The following DDHD1 variants were observed in gnomAD, a reference collection of about 807,000 sequenced individuals.
DDHD1 encodes the protein DDHD domain containing 1.
DDHD1 carries 49 observed loss-of-function variants against 96.4 expected under a neutral mutation model. The observed-to-expected ratio is 0.51, with a 90% confidence interval of 0.40 to 0.64. The LOEUF (loss-of-function observed/expected upper bound fraction) is 0.64, where lower values mean the gene tolerates loss of function less well. Among genes scored for constraint, DDHD1 ranks in the 30% least tolerant of loss-of-function variants. The probability of loss-of-function intolerance (pLI) is 0.00; values close to 1 mark genes in which losing one functional copy is unlikely to be tolerated. For missense variants in DDHD1, 1,106 were observed against 1,161.2 expected (o/e 0.95, Z 0.69); for synonymous variants, 442 against 446.5 (o/e 0.99, Z 0.13).
Position 53,043,939 on chromosome 14 carries a change from G to C in DDHD1, c.*2829C>G, listed in dbSNP as rs1407474339. On this transcript the variant is annotated 3_prime_UTR_variant, in exon 13 of 13. Transcript: ENST00000673822. ...AGTTCAGTGATCTAATCAGTACTTG[G>C]GAGAATCATCATAGCATGTACACAA... 2 of 152,104 alleles carry C rather than the reference G, an allele frequency of 1.3e-5. No individual in the cohort carries two copies. The highest frequency in any genetic ancestry group is 2.9e-5 in the Non-Finnish European group (2 of 68,006). 9.4% of individuals were successfully genotyped at this position (152,104 alleles called of 1,614,324 possible). A position where few individuals can be genotyped will look rare whatever the true frequency, so the allele number is the denominator to read the frequency against.
In DDHD1 at chr14:53,072,608, A is replaced by G. The variant is rs1355328501; in HGVS notation, c.1492T>C (p.Tyr498His). Residue 498 changes from tyrosine to histidine, a missense_variant, in exon 6 of 13, where the codon TAT (tyrosine) becomes CAT (histidine). Transcript: ENST00000673822. ...ATCATGACACTTACTTCATCTCTAT[A>G]AAGTGGACTAGTATAATACATTATG... ...MDIMYYTSPL[Y>H]RDELVKGLQQ... The G allele has an allele frequency of 6.4e-7, 1 of 1,566,658 alleles. No homozygotes were observed. The highest frequency in any genetic ancestry group is 8.7e-7 in the Non-Finnish European group (1 of 1,149,546).
intron 6 of DDHD1, 140 bp from the exon 7 acceptor site, chr14:53,063,345 T>G: frequency 1.0e-6 from 1 of 1,001,780 alleles, no homozygotes; most frequent in Middle Eastern, 2.9e-4. Flanking sequence ...ACTTAGGTCT[T>G]TCAAAATCTT....
chr14:53,123,709 A>G (rs1889193244), intron 1 of DDHD1, among the ~76,000 whole-genome samples: 1 of 152,210 alleles, frequency 6.6e-6, no homozygotes, highest in African/African-American at 2.4e-5. Flanking sequence ...AAAAATGCCA[A>G]TGGGAATAAT....
intron 5 of DDHD1, 46 bp downstream of exon 5, chr14:53,073,695 A>G (rs1884717465): frequency 1.3e-6 from 2 of 1,508,254 alleles, no homozygotes; most frequent in Non-Finnish European, 1.8e-6. Context: ...TTATTTTGGT[A>G]AAAGTTTGCC....
intron 1 of DDHD1, 132 bp downstream of exon 1, chr14:53,152,129 C>CGGTGGTCGCCGTAT: frequency 1.1e-6 from 1 of 912,170 alleles, no homozygotes; most frequent in South Asian, 2.1e-5. Flanking sequence ...TGCTCAATCT[C>CGGTGGTCGCCGTAT]CATCCTGCCC....
In DDHD1 at chr14:53,039,993, C is replaced by T; in HGVS notation, c.*6775G>A. On this transcript the variant is annotated 3_prime_UTR_variant, in exon 13 of 13. Coordinates refer to ENST00000673822, the MANE Select transcript of DDHD1 (RefSeq NM_001160148.2). The stretch of plus-strand genomic sequence containing the variant: ...CCTTATAGCCTGGCCACGTATTTCT[C>T]ATCTAAGGTCAGCACCACCTCACGG... 1 of 152,228 alleles carries T rather than the reference C, an allele frequency of 6.6e-6. No individual in the cohort carries two copies. The highest frequency in any genetic ancestry group is 1.9e-4 in the East Asian group (1 of 5,192). 9.4% of individuals were successfully genotyped at this position (152,228 alleles called of 1,614,324 possible).
Position 53,039,634 on chromosome 14 carries a change from T to A in DDHD1, c.*7134A>T, listed in dbSNP as rs1390601646. The A allele has an allele frequency of 2.0e-5, 3 of 152,238 alleles. No homozygotes were observed. The highest frequency in any genetic ancestry group is 7.2e-5 in the African/African-American group (3 of 41,424). 9.4% of individuals were successfully genotyped at this position (152,238 alleles called of 1,614,324 possible). ...AGACAAAAACAGGTAGCCAGTACAA[T>A]AACTAAAATGCAAGCATTTAAAGGC... On this transcript the variant is annotated 3_prime_UTR_variant, in exon 13 of 13. Coordinates refer to ENST00000673822, the MANE Select transcript of DDHD1 (RefSeq NM_001160148.2).
At chr14:53,084,772 G>A (rs146814078) in intron 4 of DDHD1, among the ~76,000 whole-genome samples, 1 of 151,918 alleles carries the variant, frequency 6.6e-6, no homozygotes, top group Non-Finnish European at 1.5e-5. Flanking sequence ...ACTGGGACTG[G>A]TTGGACAGTG....
chr14:53,131,944 C>G (rs942530117), intron 1 of DDHD1, among the ~76,000 whole-genome samples: 2 of 152,174 alleles, frequency 1.3e-5, no homozygotes, highest in Non-Finnish European at 2.9e-5. Context: ...TCCAGCTAAT[C>G]TCCCAAACCT....
Position 53,051,874 on chromosome 14 carries a change from T to C in DDHD1, c.2491A>G (p.Asn831Asp). Residue 831 changes from asparagine to aspartate, a missense_variant, in exon 12 of 13, where the codon AAT (asparagine) becomes GAT (aspartate). By Grantham distance (23) the Asn-to-Asp change is conservative. Around this residue, in one of 2 missense-constraint regions of DDHD1, gnomAD observed 650 missense variants for 758.8 expected, o/e 0.86. Coordinates refer to ENST00000673822, the MANE Select transcript of DDHD1 (RefSeq NM_001160148.2). Reference protein sequence around the residue: ...FNLPQLLFPENVMQNKDNALV... With the variant: ...FNLPQLLFPEDVMQNKDNALV... ...GCATTATCTTTATTCTGCATTACAT[T>C]TTCCGGAAAAAGAAGTTGTGGGAGA... 6.2e-7 allele frequency: 1 copy of C among 1,600,404 alleles called. No homozygotes were observed. The highest frequency in any genetic ancestry group is 8.5e-7 in the Non-Finnish European group (1 of 1,172,828).
At chr14:53,098,485 C>T (rs1252472210) in intron 2 of DDHD1, among the ~76,000 whole-genome samples, 1 of 151,472 alleles carries the variant, frequency 6.6e-6, no homozygotes, top group African/African-American at 2.4e-5. Context: ...TGAAAAATTC[C>T]AACCCCAGGG....
chr14:53,052,674 T>C (rs1015113399), intron 11 of DDHD1: 9 of 152,020 alleles, frequency 5.9e-5, no homozygotes, highest in Non-Finnish European at 1.2e-4. Context: ...CAGAATCTTA[T>C]TATAATAGTC....
chr14:53,092,861 A>C (rs942059241), intron 3 of DDHD1: 42 of 153,436 alleles, frequency 2.7e-4, no homozygotes, highest in Non-Finnish European at 1.4e-5. Context: ...AAATAAAAGA[A>C]GAAAAAAAAA....
rs149032366 is a variant in DDHD1 at position 53,126,214 on chromosome 14, A to G, written c.839-22358T>C. ...ATATTTTCAGTATTTTTATGTATAC[A>G]TATTTACAAATTATGTATATATATT... On this transcript the variant is annotated intron_variant, in intron 1 of 12. Coordinates refer to ENST00000673822, the MANE Select transcript of DDHD1 (RefSeq NM_001160148.2). Among the ~76,000 whole-genome samples the G allele has an allele frequency of 4.2e-3, 638 of 152,314 alleles. 4 individuals carry two copies. Among genetic ancestry groups the G allele is most frequent in the African/African-American group, 0.015 (609 of 41,574 alleles).
chr14:53,051,200 T>C (rs1330503854), intron 12 of DDHD1, among the ~76,000 whole-genome samples: 1 of 151,752 alleles, frequency 6.6e-6, no homozygotes, highest in Non-Finnish European at 1.5e-5. Flanking sequence ...ATCCAGCATT[T>C]TTTTTTTTAA....
chr14:53,077,289 A>G (rs1885053369), intron 4 of DDHD1, among the ~76,000 whole-genome samples: 1 of 152,192 alleles, frequency 6.6e-6, no homozygotes. Flanking sequence ...CCATTAGTTT[A>G]TCATGGTGGC....
At chr14:53,069,702 T>TG (rs1338526171) in intron 6 of DDHD1, among the ~76,000 whole-genome samples, 1 of 152,178 alleles carries the variant, frequency 6.6e-6, no homozygotes, top group Non-Finnish European at 1.5e-5. Flanking sequence ...ACAACACACA[T>TG]GCATATTTTA....
chr14:53,101,847 T>G (rs1314227171), intron 2 of DDHD1, among the ~76,000 whole-genome samples: 1 of 151,916 alleles, frequency 6.6e-6, no homozygotes, highest in Non-Finnish European at 1.5e-5. Flanking sequence ...AAAACAAGAT[T>G]AGAAACAGGC....
In DDHD1 at chr14:53,128,061, C is replaced by A. The variant is rs575905464; in HGVS notation, c.838+24200G>T. 3.0e-3 allele frequency among the ~76,000 whole-genome samples: 456 copies of A among 152,272 alleles called. 2 individuals carry two copies. Among genetic ancestry groups the A allele is most frequent in the Non-Finnish European group, 5.0e-3 (340 of 68,034 alleles). ...CGAGATCTAATGGTTTTATAAGGGG[C>A]TTTCCCCTCTTCGCTCTATATTTCT... is the stretch of plus-strand genomic sequence containing the variant. On this transcript the variant is annotated intron_variant, in intron 1 of 12. Transcript: ENST00000673822.
Sources: allele counts gnomAD v4.1 joint callset (sites outside exome capture counted in the v4.1 genomes callset), GRCh38; gene constraint gnomAD v4.1.1; regional missense constraint gnomAD v4.1.1; transcripts MANE v1.5; gene names NCBI Gene and HGNC (gene_info 2026-07-23, HGNC 2026-07-21).